The following ANKMY1 variants were observed in gnomAD, a reference collection of about 807,000 sequenced individuals.
ANKMY1 encodes the protein ankyrin repeat and MYND domain-containing protein 1.
Under a neutral mutation model 102.0 loss-of-function variants are expected in ANKMY1, and 98 were observed. That is an observed-to-expected ratio of 0.96 (90% CI 0.82 to 1.14). The LOEUF is 1.14. Ranked by LOEUF, ANKMY1 falls within the 50% of genes most tolerant of loss-of-function variation. The pLI is 0.00. For synonymous variants in ANKMY1, 582 were observed against 559.9 expected (o/e 1.04, Z -0.56); for missense variants, 1,330 against 1,347.6 (o/e 0.99, Z 0.20).
At chr2:240,480,230 GAGGTC>G (rs1360495603) in intron 17 of ANKMY1, among the ~76,000 whole-genome samples, 1 of 152,140 alleles carries the variant, frequency 6.6e-6, no homozygotes, top group Non-Finnish European at 1.5e-5. Context: ...GAGGGGGAAG[GAGGTC>G]AGCAGCCATT....
At chr2:240,494,911 A>G (rs546667885) in intron 15 of ANKMY1, among the ~76,000 whole-genome samples, 5 of 152,174 alleles carry the variant, frequency 3.3e-5, no homozygotes, top group Non-Finnish European at 7.3e-5. Flanking sequence ...AACAAGAATT[A>G]TACTAGATAC....
intron 11 of ANKMY1, among the ~76,000 whole-genome samples, chr2:240,510,581 C>T (rs113831695): frequency 0.035 from 5,331 of 152,228 alleles, 130 homozygotes; most frequent in South Asian, 0.079. Context: ...CCCTCAGATG[C>T]GGCAGACCCT....
rs1257574364 is a variant in ANKMY1 at position 240,506,198 on chromosome 2, G to C, written c.2526+1362C>G. 6.6e-6 allele frequency among the ~76,000 whole-genome samples: 1 copy of C among 152,218 alleles called. No individual in the cohort carries two copies. The highest frequency in any genetic ancestry group is 2.4e-5 in the African/African-American group (1 of 41,462). ...ACGAAGGACTATTCTGTATGTTCAA[G>C]GCACATTCAGCGTCCACACACAACA... On this transcript the variant is annotated intron_variant, in intron 13 of 17. Transcript: ENST00000401804. The surrounding 1 kb of genome is among the most constrained non-coding windows in gnomAD (Gnocchi z 4.9).
chr2:240,529,338 G>C lies in ANKMY1; in HGVS notation c.652C>G (p.Pro218Ala), dbSNP rs771931139. Reference protein sequence around the residue: ...PEFSSFITHSPARISLSEEEK... With the variant: ...PEFSSFITHSAARISLSEEEK... ...TCTTCTGAGAGGCTGATCCTGGCAG[G>C]GCTGTGGGTGATGAAGCTGGAGAAC... The change falls in exon 5 of 18, where the codon CCT becomes GCT. Residue 218 changes from proline to alanine, a missense_variant. By Grantham distance (27) the Pro-to-Ala change is conservative (BLOSUM62 -1). Transcript: ENST00000401804. The surrounding 1 kb of genome is among the most constrained non-coding windows in gnomAD (Gnocchi z 4.2). 11 of 1,614,228 alleles carry C rather than the reference G, an allele frequency of 6.8e-6. No individual in the cohort carries two copies. Among genetic ancestry groups the C allele is most frequent in the East Asian group, 2.2e-5 (1 of 44,876 alleles).
At chr2:240,512,151 G>A (rs1316586933) in intron 10 of ANKMY1, 150 bp from the exon 11 acceptor site, 31 of 996,330 alleles carry the variant, frequency 3.1e-5, no homozygotes, top group Non-Finnish European at 3.7e-5. Flanking sequence ...GACTTTGTTC[G>A]AGCCTCTCCC....
chr2:240,512,634 T>C (rs1475188490), intron 10 of ANKMY1, among the ~76,000 whole-genome samples, 168 bp downstream of exon 10: 1 of 152,232 alleles, frequency 6.6e-6, no homozygotes, highest in Non-Finnish European at 1.5e-5. Flanking sequence ...GCCCACTGGC[T>C]AAGGTTCTCA....
intron 15 of ANKMY1, among the ~76,000 whole-genome samples, chr2:240,487,770 T>C (rs1245467380): frequency 6.6e-6 from 1 of 152,154 alleles, no homozygotes; most frequent in African/African-American, 2.4e-5. Context: ...CACTGGCTGT[T>C]TGTACGTCTT....
At position 240,507,801 on chromosome 2, in the gene ANKMY1, T is replaced by G. The variant is rs540825732; in HGVS notation, c.2395-110A>C. On this transcript the variant is annotated intron_variant, in intron 12 of 17. Coordinates refer to ENST00000401804, the MANE Select transcript of ANKMY1 (RefSeq NM_001282771.3). ...GAACTAACCCCTGAAAGCAGGGGCT[T>G]CACGGAGGCCACCGCTGGCCCTTCC... 1.2e-3 allele frequency: 1,624 copies of G among 1,324,454 alleles called. 3 individuals carry two copies. The highest frequency in any genetic ancestry group is 1.6e-3 in the Non-Finnish European group (1,563 of 997,104). 82.0% of individuals were successfully genotyped at this position (1,324,454 alleles called of 1,614,324 possible). A position where few individuals can be genotyped will look rare whatever the true frequency, so the allele number is the denominator to read the frequency against.
rs2081941600 is a variant in ANKMY1 at position 240,520,274 on chromosome 2, TC to T, written c.2004+87del. On this transcript the variant is annotated intron_variant, in intron 9 of 17. Coordinates refer to ENST00000401804, the MANE Select transcript of ANKMY1 (RefSeq NM_001282771.3). This position sits in a 1 kb window ranked among gnomAD's most constrained non-coding sequence, Gnocchi z 4.8. ...CGCCTGCAAGAGCCCACCCCTCTCT[TC>T]CGCGCCTAGGTGGAGCGAGGAGCTT... 1 of 1,490,210 alleles carries T rather than the reference TC, an allele frequency of 6.7e-7. No individual in the cohort carries two copies. Among genetic ancestry groups the T allele is most frequent in the Admixed American group, 2.2e-5 (1 of 46,114 alleles). The allele number at this position is 1,490,210 out of a possible 1,614,324, so 92.3% of individuals were successfully genotyped here.
At chr2:240,542,682 A>T (rs7576043) in intron 4 of ANKMY1, among the ~76,000 whole-genome samples, 1 of 150,154 alleles carries the variant, frequency 6.7e-6, no homozygotes, top group Admixed American at 6.6e-5. Flanking sequence ...GAATCTTTGT[A>T]TCTGTGTGTG....
chr2:240,560,547 C>T, upstream of ANKMY1: 2 of 1,230,724 alleles, frequency 1.6e-6, no homozygotes, highest in Non-Finnish European at 2.1e-6. Flanking sequence ...CAAGCCCCAG[C>T]CTGGTCCACC....
At chr2:240,538,053 C>T (rs968873107) in intron 4 of ANKMY1, among the ~76,000 whole-genome samples, 1 of 152,386 alleles carries the variant, frequency 6.6e-6, no homozygotes, top group African/African-American at 2.4e-5. Flanking sequence ...TCGTTCATTG[C>T]TCAATTAAAC....
chr2:240,521,950 A>G (rs560300844), intron 8 of ANKMY1: 1 of 152,374 alleles, frequency 6.6e-6, no homozygotes, highest in East Asian at 1.9e-4. Flanking sequence ...AGCAGCAGCA[A>G]GATTTATTGT....
rs2092150958 is a variant in ANKMY1, at chr2:240,555,119, A to G, written c.147-64T>C. On this transcript the variant is annotated intron_variant, in intron 2 of 17. Coordinates refer to ENST00000401804, the MANE Select transcript of ANKMY1 (RefSeq NM_001282771.3). ...GCTGCAGTGCCTTCAGTGACTGCTGAGCACAACCCCCGAGCACAACCCAGC... is the reference window on the plus strand; with the variant it reads ...GCTGCAGTGCCTTCAGTGACTGCTGGGCACAACCCCCGAGCACAACCCAGC... The G allele has an allele frequency of 3.2e-6, 5 of 1,540,498 alleles. No individual in the cohort carries two copies. In the South Asian group the frequency reaches 3.4e-5, roughly 11 times the overall value.
Position 240,529,242 on chromosome 2 carries a change from T to A in ANKMY1, c.748A>T (p.Asn250Tyr). ...TCTGGAGGCAGCGTTAGGTTGTCAT[T>A]CAGAAGAAACCGCTTATAGTCATAG... The part of the protein sequence containing the change: ...FFYDYKRFLL[N>Y]DNLTLPPEMY... The change falls in exon 5 of 18, where the codon AAT becomes TAT. Residue 250 changes from asparagine to tyrosine, a missense_variant. Coordinates refer to ENST00000401804, the MANE Select transcript of ANKMY1 (RefSeq NM_001282771.3). This position sits in a 1 kb window ranked among gnomAD's most constrained non-coding sequence, Gnocchi z 4.2. 6.2e-7 allele frequency: 1 copy of A among 1,614,118 alleles called. No homozygotes were observed. Among genetic ancestry groups the A allele is most frequent in the Non-Finnish European group, 8.5e-7 (1 of 1,180,020 alleles).
Position 240,499,435 on chromosome 2 carries a change from T to G in ANKMY1, c.2806+523A>C. On this transcript the variant is annotated intron_variant, in intron 15 of 17. Transcript: ENST00000401804. The surrounding 1 kb of genome is among the most constrained non-coding windows in gnomAD (Gnocchi z 4.2). The stretch of plus-strand genomic sequence containing the variant: ...TGACCAGGTGGGTGGGAGGTGGGTA[T>G]GTGGGAGTGACTAGGTGGGTGGGGT... Among the ~76,000 whole-genome samples, 2 of 133,308 alleles carry G rather than the reference T, an allele frequency of 1.5e-5. No homozygotes were observed. The highest frequency in any genetic ancestry group is 2.3e-4 in the East Asian group (1 of 4,322). 87.5% of individuals were successfully genotyped at this position (133,308 alleles called of 152,430 possible).
chr2:240,508,161 C>T (rs12471846), intron 12 of ANKMY1, among the ~76,000 whole-genome samples: 39,381 of 152,182 alleles, frequency 0.26, 6,104 homozygotes, highest in East Asian at 0.66. Flanking sequence ...AAGAGGCACA[C>T]CTCCCTTCTC....
intron 15 of ANKMY1, among the ~76,000 whole-genome samples, chr2:240,491,804 G>A (rs1213018682): frequency 6.6e-6 from 1 of 151,868 alleles, no homozygotes; most frequent in African/African-American, 2.4e-5. Flanking sequence ...TTCCTTTATG[G>A]GTGACTAGAT....
chr2:240,475,409 A>G (rs1298358674), downstream of ANKMY1, among the ~76,000 whole-genome samples: 1 of 152,152 alleles, frequency 6.6e-6, no homozygotes, highest in Non-Finnish European at 1.5e-5. Flanking sequence ...CATTTACAAT[A>G]GCATAAAAAT....
Sources: gnomAD v4.1 joint callset for allele counts (sites outside exome capture counted in the v4.1 genomes callset) on GRCh38, gnomAD v4.1.1 for gene constraint, Gnocchi (gnomAD v3.1) non-coding constraint, MANE v1.5 for transcripts, NCBI Gene and HGNC (gene_info 2026-07-23, HGNC 2026-07-21) for gene names.